GLE1: variants seen among roughly 807,000 people sequenced by gnomAD.
The protein encoded by GLE1 is mRNA export factor GLE1.
GLE1 carries 78 observed loss-of-function variants against 97.3 expected under a neutral mutation model. The observed-to-expected ratio is 0.80, with a 90% CI of 0.67 to 0.97. The LOEUF (loss-of-function observed/expected upper bound fraction) is 0.97, where lower values mean the gene tolerates loss of function less well. Ranked by LOEUF, GLE1 falls within the 50% of genes least tolerant of loss-of-function variation. The probability of loss-of-function intolerance (pLI) is 0.00; values close to 1 mark genes in which losing one functional copy is unlikely to be tolerated. For missense variants in GLE1, 753 were observed against 857.5 expected (o/e 0.88, Z 1.52); for synonymous variants, 302 against 313.4 (o/e 0.96, Z 0.39).
chr9:128,528,048 G>A (rs35387374), intron 9 of GLE1, among the ~76,000 whole-genome samples: 29,232 of 136,958 alleles, frequency 0.21, 4,054 homozygotes, highest in Non-Finnish European at 0.3. Flanking sequence ...CGCCCAGGCT[G>A]GAGTGAAGTG....
At chr9:128,515,750 G>C (rs187924826) in intron 3 of GLE1, 111 bp downstream of exon 3, 1 of 712,420 alleles carries the variant, frequency 1.4e-6, no homozygotes, top group South Asian at 1.5e-5. Context: ...CCCACCTACT[G>C]TTTAGTTTTG....
intron 13 of GLE1, among the ~76,000 whole-genome samples, chr9:128,539,393 C>A (rs1389367161): frequency 4.6e-5 from 7 of 152,146 alleles, no homozygotes; most frequent in African/African-American, 1.7e-4. Context: ...AAGAGTAGTT[C>A]ATTAAGACCT....
intron 8 of GLE1, 80 bp from the exon 9 acceptor site, chr9:128,527,376 G>A: frequency 7.8e-7 from 1 of 1,278,504 alleles, no homozygotes; most frequent in Non-Finnish European, 1.1e-6. Flanking sequence ...GAATGTAGCT[G>A]GCATGTCACT....
At chr9:128,510,815 C>T (rs1482004749) in intron 2 of GLE1, among the ~76,000 whole-genome samples, 4 of 150,664 alleles carry the variant, frequency 2.7e-5, no homozygotes, top group Non-Finnish European at 5.9e-5. Context: ...AGTCGTGAGC[C>T]ACTGTGCCTG....
chr9:128,522,336 T>C (rs148459330), intron 3 of GLE1, among the ~76,000 whole-genome samples: 92 of 152,080 alleles, frequency 6.0e-4, no homozygotes, highest in African/African-American at 2.2e-3. Context: ...ATGATCAAGG[T>C]GTTGAAGGCG....
At chr9:128,509,321 T>G (rs1371587098) in intron 2 of GLE1, among the ~76,000 whole-genome samples, 3 of 152,082 alleles carry the variant, frequency 2.0e-5, no homozygotes, top group South Asian at 4.1e-4. Flanking sequence ...ATAACTAATT[T>G]CATGAGCAAT....
At chr9:128,533,427 CAAAAAA>C (rs5900802) in intron 9 of GLE1, 80 bp from the exon 10 acceptor site, 1,504 of 451,074 alleles carry the variant, frequency 3.3e-3, no homozygotes, top group East Asian at 6.6e-3. Context: ...GATACTGTCT[CAAAAAA>C]AAAAAAAAAA....
chr9:128,540,152 G>A, intron 14 of GLE1, 123 bp from the exon 15 acceptor site: 2 of 747,682 alleles, frequency 2.7e-6, no homozygotes, highest in Non-Finnish European at 4.8e-6. Flanking sequence ...AGAGTTCAAG[G>A]CCTCGGTGAG....
At position 128,527,194 on chromosome 9, in the gene GLE1, T is replaced by A; in HGVS notation, c.1145T>A (p.Val382Glu). The A allele has an allele frequency of 6.3e-7, 1 of 1,597,210 alleles. No homozygotes were observed. Among genetic ancestry groups the A allele is most frequent in the South Asian group, 1.1e-5 (1 of 90,724 alleles). ...GKQNEDLQVKVQDITMQWYQQ... is the reference protein window; with the variant it reads ...GKQNEDLQVKEQDITMQWYQQ... ...TATTTCTCAGACCTCCAGGTGAAGG[T>A]ACAAGACATTACAATGCAGTGGTAC... The change falls in exon 8 of 16, where the codon GTA becomes GAA. Residue 382 changes from valine to glutamate, a missense_variant. Transcript: ENST00000309971.
intron 11 of GLE1, among the ~76,000 whole-genome samples, chr9:128,534,620 C>T (rs1382520589): frequency 1.3e-5 from 2 of 152,090 alleles, no homozygotes; most frequent in Admixed American, 1.3e-4. Flanking sequence ...TACCTCATGG[C>T]TTACATGAAG....
chr9:128,519,056 A>G (rs1847065160), intron 3 of GLE1, among the ~76,000 whole-genome samples: 1 of 152,176 alleles, frequency 6.6e-6, no homozygotes, highest in Non-Finnish European at 1.5e-5. Context: ...TAAAGATTTC[A>G]TGGACACTTA....
At chr9:128,534,048 C>G (rs960587119) in intron 11 of GLE1, 97 bp downstream of exon 11, 2 of 833,600 alleles carry the variant, frequency 2.4e-6, no homozygotes, top group East Asian at 2.4e-5. Context: ...GCTCCTATTA[C>G]GTACCTTGAA....
intron 1 of GLE1, among the ~76,000 whole-genome samples, chr9:128,505,271 A>C (rs1846608373): frequency 6.6e-6 from 1 of 152,172 alleles, no homozygotes; most frequent in South Asian, 2.1e-4. Flanking sequence ...GATTGACACG[A>C]CCTAATCCAT....
rs148148120 is a variant in GLE1, at chr9:128,520,263, T to C, written c.433-2405T>C. Among the ~76,000 whole-genome samples the C allele has an allele frequency of 9.7e-4, 146 of 150,592 alleles. 1 individual carries two copies. The highest frequency in any genetic ancestry group is 1.6e-3 in the Non-Finnish European group (106 of 67,776). ...AGACTGTGTCTCCAAAAAATATATATATATATGTATATATGTGTGTATATA... is the reference window on the plus strand; with the variant it reads ...AGACTGTGTCTCCAAAAAATATATACATATATGTATATATGTGTGTATATA... On this transcript the variant is annotated intron_variant, in intron 3 of 15. Transcript: ENST00000309971.
At chr9:128,509,819 C>T (rs533259078) in intron 2 of GLE1, among the ~76,000 whole-genome samples, 4 of 152,008 alleles carry the variant, frequency 2.6e-5, no homozygotes, top group African/African-American at 9.7e-5. Flanking sequence ...ATTGGCTAGG[C>T]ATGGTGGCTC....
At chr9:128,527,154 C>A in intron 7 of GLE1, 25 bp from the exon 8 acceptor site, 2 of 1,281,460 alleles carry the variant, frequency 1.6e-6, no homozygotes, top group Non-Finnish European at 2.3e-6. Context: ...CTAGCTATTA[C>A]TAAAACCTCT....
At chr9:128,522,097 G>A (rs1395303046) in intron 3 of GLE1, among the ~76,000 whole-genome samples, 2 of 152,184 alleles carry the variant, frequency 1.3e-5, no homozygotes, top group Non-Finnish European at 1.5e-5. Context: ...CAGGATGGAA[G>A]CTTAATAGTG....
Position 128,523,623 on chromosome 9 carries a change from A to G in GLE1, c.674A>G (p.Gln225Arg). The change falls in exon 6 of 16, where the codon CAG becomes CGG. Residue 225 changes from glutamine to arginine, a missense_variant. Coordinates refer to ENST00000309971, the MANE Select transcript of GLE1 (RefSeq NM_001003722.2). Reference protein sequence around the residue: ...ILNLKLREAEQQRVKQAEQER... With the variant: ...ILNLKLREAERQRVKQAEQER... ...AACCTGAAGCTGCGGGAAGCAGAGC[A>G]GCAGCGCGTGAAGCAAGCAGAACAG... is the stretch of plus-strand genomic sequence containing the variant. 6.2e-7 allele frequency: 1 copy of G among 1,614,146 alleles called. No homozygotes were observed. The highest frequency in any genetic ancestry group is 8.5e-7 in the Non-Finnish European group (1 of 1,180,032).
chr9:128,519,519 T>G (rs1406375752), intron 3 of GLE1, among the ~76,000 whole-genome samples: 1 of 152,182 alleles, frequency 6.6e-6, no homozygotes, highest in East Asian at 1.9e-4. Flanking sequence ...CCAGGCTTAT[T>G]AGGAAGAAGA....
Sources: gnomAD v4.1 joint callset for allele counts (sites outside exome capture counted in the v4.1 genomes callset) on GRCh38, gnomAD v4.1.1 for gene constraint, MANE v1.5 for transcripts, NCBI Gene and HGNC (gene_info 2026-07-23, HGNC 2026-07-21) for gene names.